Variants in HACD2 observed in about 807,000 individuals in gnomAD.
HACD2 encodes 3-hydroxyacyl-CoA dehydratase 2, also known as very-long-chain (3R)-3-hydroxyacyl-CoA dehydratase 2.
Under a neutral mutation model 31.0 loss-of-function variants are expected in HACD2, and 15 were observed. That is an observed-to-expected ratio of 0.48 (90% confidence interval 0.32 to 0.75). HACD2 has a LOEUF of 0.75. Ranked by LOEUF, HACD2 falls within the 30% of genes least tolerant of loss-of-function variation. HACD2 has a pLI of 0.03. For synonymous variants in HACD2, 115 were observed against 122.2 expected (o/e 0.94, Z 0.39); for missense variants, 283 against 313.0 (o/e 0.90, Z 0.72).
At chr3:123,497,890 T>C (rs995501333) in intron 6 of HACD2, among the ~76,000 whole-genome samples, 3 of 152,210 alleles carry the variant, frequency 2.0e-5, no homozygotes, top group African/African-American at 7.2e-5. Context: ...TATCATCAAC[T>C]TGCCACTAAA....
rs1576254240 is a variant in HACD2 at position 123,584,694 on chromosome 3, C to A, written c.155+179G>T. On this transcript the variant is annotated intron_variant, in intron 1 of 6. Transcript: ENST00000383657. ...AGCGCAGGAGGGAGCTCGCGGGCAG[C>A]CACCGGGGCCGATTCAGCGCTCGGC... 3 of 436,988 alleles carry A rather than the reference C, an allele frequency of 6.9e-6. No individual in the cohort carries two copies. The South Asian group carries it at 1.8e-4, about 26-fold the overall frequency. The allele number at this position is 436,988 out of a possible 1,614,324, so 27.1% of individuals were successfully genotyped here.
intron 2 of HACD2, among the ~76,000 whole-genome samples, chr3:123,570,711 T>C (rs1186002525): frequency 2.6e-5 from 4 of 152,140 alleles, no homozygotes; most frequent in African/African-American, 9.7e-5. Context: ...TATTGAGACA[T>C]ACAATCAGTG....
intron 3 of HACD2, among the ~76,000 whole-genome samples, chr3:123,565,823 C>T (rs2056785373): frequency 6.6e-6 from 1 of 152,058 alleles, no homozygotes. Context: ...ATTTATTTAA[C>T]CGTTTATGAA....
At chr3:123,524,289 G>A (rs927237049) in intron 4 of HACD2, among the ~76,000 whole-genome samples, 1 of 152,178 alleles carries the variant, frequency 6.6e-6, no homozygotes, top group Non-Finnish European at 1.5e-5. Context: ...TGTATCAAGT[G>A]TAAGGTGGGT....
intron 3 of HACD2, among the ~76,000 whole-genome samples, chr3:123,534,029 A>AGTGTGTGT (rs62840760): frequency 0.022 from 3,320 of 149,930 alleles, 94 homozygotes; most frequent in African/African-American, 0.059. Flanking sequence ...AACATAGTGG[A>AGTGTGTGT]GTGTGTGTGT....
intron 3 of HACD2, among the ~76,000 whole-genome samples, chr3:123,531,960 C>T (rs2056367553): frequency 6.6e-6 from 1 of 152,138 alleles, no homozygotes; most frequent in Admixed American, 6.5e-5. Flanking sequence ...AGGATTATTT[C>T]CTTGGGACAT....
Position 123,492,215 on chromosome 3 carries a change from C to T in HACD2, c.*2673G>A, listed in dbSNP as rs1230336690. On this transcript the variant is annotated 3_prime_UTR_variant, in exon 7 of 7. Transcript: ENST00000383657. ...GTCTGTGCTGACAAAAGCACTACTGCGGACCTCAAAGAATTCTCTGTCAGA... is the reference window on the plus strand; with the variant it reads ...GTCTGTGCTGACAAAAGCACTACTGTGGACCTCAAAGAATTCTCTGTCAGA... The T allele has an allele frequency of 2.6e-5, 4 of 152,204 alleles. No individual in the cohort carries two copies. The East Asian group carries it at 5.8e-4, about 22-fold the overall frequency. 9.4% of individuals were successfully genotyped at this position (152,204 alleles called of 1,614,324 possible). A position where few individuals can be genotyped will look rare whatever the true frequency, so the allele number is the denominator to read the frequency against.
chr3:123,568,768 C>A (rs533038831), intron 2 of HACD2, among the ~76,000 whole-genome samples: 1 of 152,138 alleles, frequency 6.6e-6, no homozygotes, highest in Non-Finnish European at 1.5e-5. Context: ...TACTGTAGGG[C>A]ATTTCAGAAT....
At chr3:123,563,048 T>A (rs2056751708) in intron 3 of HACD2, among the ~76,000 whole-genome samples, 2 of 152,218 alleles carry the variant, frequency 1.3e-5, no homozygotes, top group African/African-American at 4.8e-5. Context: ...AAGATGATGA[T>A]CAAATATTCA....
intron 3 of HACD2, among the ~76,000 whole-genome samples, chr3:123,550,417 G>C (rs965382410): frequency 8.5e-5 from 13 of 152,118 alleles, no homozygotes; most frequent in African/African-American, 3.1e-4. Flanking sequence ...GAGAAAGAAA[G>C]GGCAAGAGGG....
chr3:123,569,088 G>A (rs1329493767), intron 2 of HACD2, among the ~76,000 whole-genome samples: 1 of 152,124 alleles, frequency 6.6e-6, no homozygotes, highest in East Asian at 1.9e-4. Flanking sequence ...CACTCAATTT[G>A]TGGGGGAGGG....
chr3:123,514,687 C>T (rs934463379), intron 4 of HACD2, among the ~76,000 whole-genome samples: 2 of 151,986 alleles, frequency 1.3e-5, no homozygotes, highest in South Asian at 4.2e-4. Flanking sequence ...TGTCTTAGAC[C>T]GTAAACAAGC....
intron 3 of HACD2, among the ~76,000 whole-genome samples, chr3:123,555,188 T>C (rs1465831893): frequency 2.0e-5 from 3 of 152,188 alleles, no homozygotes; most frequent in Non-Finnish European, 4.4e-5. Context: ...AATTTTATCT[T>C]ATTGAGTAAA....
chr3:123,570,917 TACAC>T (rs149856963), intron 2 of HACD2, among the ~76,000 whole-genome samples: 50 of 144,842 alleles, frequency 3.5e-4, no homozygotes, highest in South Asian at 2.2e-3. Context: ...TTCATACCAT[TACAC>T]ACACACACAC....
At chr3:123,513,855 G>A (rs753494836) in intron 4 of HACD2, among the ~76,000 whole-genome samples, 4 of 152,162 alleles carry the variant, frequency 2.6e-5, no homozygotes, top group African/African-American at 4.8e-5. Flanking sequence ...CTGATTTCCC[G>A]ATTTGGAGAG....
intron 5 of HACD2, among the ~76,000 whole-genome samples, chr3:123,502,337 C>T (rs2055912444): frequency 6.6e-6 from 1 of 152,088 alleles, no homozygotes; most frequent in South Asian, 2.1e-4. Flanking sequence ...AAGAACTGAT[C>T]CCAATTAAAA....
At chr3:123,562,837 G>GT (rs1404864000) in intron 3 of HACD2, among the ~76,000 whole-genome samples, 1 of 152,154 alleles carries the variant, frequency 6.6e-6, no homozygotes, top group Admixed American at 6.5e-5. Context: ...TGAAGACTAA[G>GT]TTGTTGTAAT....
intron 3 of HACD2, among the ~76,000 whole-genome samples, chr3:123,551,465 A>T (rs77722132): frequency 6.6e-6 from 1 of 151,880 alleles, no homozygotes; most frequent in South Asian, 2.1e-4. Context: ...CTAAAAAAAA[A>T]TATATAAAAA....
intron 3 of HACD2, among the ~76,000 whole-genome samples, chr3:123,542,209 G>T (rs2056502043): frequency 6.9e-6 from 1 of 144,512 alleles, no homozygotes; most frequent in Non-Finnish European, 1.5e-5. Context: ...AAATCAAGAT[G>T]CTAATAGGCA....
Sources: gnomAD v4.1 joint callset for allele counts (sites outside exome capture counted in the v4.1 genomes callset) on GRCh38, gnomAD v4.1.1 for gene constraint, MANE v1.5 for transcripts, NCBI Gene and HGNC (gene_info 2026-07-23, HGNC 2026-07-21) for gene names.